FOXN3: variants seen among roughly 807,000 people sequenced by gnomAD.
FOXN3 encodes forkhead box protein N3.
In FOXN3, 7 loss-of-function variants were observed where a neutral mutation model predicts 38.4. The observed-to-expected ratio is 0.18, with a 90% CI of 0.10 to 0.34. FOXN3 has a LOEUF of 0.34. FOXN3 is among the 10% of genes least tolerant of loss of function. The pLI, the probability that FOXN3 is intolerant of heterozygous loss-of-function variation, is 1.00. For missense variants in FOXN3, 456 were observed against 613.4 expected, an observed-to-expected ratio of 0.74 and a Z score of 2.71; for synonymous variants, 230 against 242.2, an observed-to-expected ratio of 0.95 and a Z score of 0.47.
Position 89,392,892 on chromosome 14 carries a change from C to T in FOXN3, c.543+19042G>A, listed in dbSNP as rs72703612. Among the ~76,000 whole-genome samples the T allele has an allele frequency of 5.7e-3, 861 of 151,740 alleles. 4 individuals are homozygous for T. The highest frequency in any genetic ancestry group is 0.014 in the Middle Eastern group (4 of 294). ...CATGATATCAGTTCAGTGCAACCTC[C>T]GCCCCCAAGGTTCAAGAGATTCTTC... On this transcript the variant is annotated intron_variant, in intron 2 of 5. Coordinates refer to ENST00000557258, the MANE Select transcript of FOXN3 (RefSeq NM_005197.4).
At position 89,548,367 on chromosome 14, in the gene FOXN3, A is replaced by G. The variant is rs1894926445; in HGVS notation, c.-15+70661T>C. ...GGCTAGGCTACATATACGGTTATAAAGATGTGCACATATCACAGCATTACT... is the reference window on the plus strand; with the variant it reads ...GGCTAGGCTACATATACGGTTATAAGGATGTGCACATATCACAGCATTACT... On this transcript the variant is annotated intron_variant, in intron 1 of 6. Transcript: ENST00000345097. The surrounding 1 kb of genome is among the most constrained non-coding windows in gnomAD (Gnocchi z 4.8). Among the ~76,000 whole-genome samples, 1 of 152,222 alleles carries G rather than the reference A, an allele frequency of 6.6e-6. No homozygotes were observed. The highest frequency in any genetic ancestry group is 2.4e-5 in the African/African-American group (1 of 41,446).
chr14:89,344,282 AC>A (rs1888704493), intron 3 of FOXN3, among the ~76,000 whole-genome samples: 1 of 147,180 alleles, frequency 6.8e-6, no homozygotes, highest in African/African-American at 2.6e-5. Flanking sequence ...AAAAAAAAAA[AC>A]CATCTCACTC....
intron 1 of FOXN3, among the ~76,000 whole-genome samples, chr14:89,463,908 C>A (rs1270473082): frequency 6.6e-6 from 1 of 150,936 alleles, no homozygotes; most frequent in African/African-American, 2.5e-5. Context: ...CCTTAGCCTC[C>A]CAGGTAGCTG....
intron 1 of FOXN3, among the ~76,000 whole-genome samples, chr14:89,611,603 G>C (rs1028795261): frequency 6.6e-6 from 1 of 152,058 alleles, no homozygotes; most frequent in South Asian, 2.1e-4. Flanking sequence ...TCAGGAGATC[G>C]AGACCATCCT....
At chr14:89,348,752 C>T (rs544949991) in intron 3 of FOXN3, among the ~76,000 whole-genome samples, 208 of 151,016 alleles carry the variant, frequency 1.4e-3, no homozygotes, top group African/African-American at 4.8e-3. Context: ...ATTACAAAAG[C>T]TCTGGTTCAT....
intron 5 of FOXN3, among the ~76,000 whole-genome samples, chr14:89,170,186 G>C (rs1444276922): frequency 6.6e-6 from 1 of 152,082 alleles, no homozygotes; most frequent in Non-Finnish European, 1.5e-5. Flanking sequence ...AACATTCACA[G>C]TTTCATTAAA....
intron 3 of FOXN3, among the ~76,000 whole-genome samples, chr14:89,314,779 A>G (rs1887672088): frequency 6.6e-6 from 1 of 152,174 alleles, no homozygotes; most frequent in Non-Finnish European, 1.5e-5. Flanking sequence ...GCACAAACAT[A>G]CAGACACAGT....
chr14:89,450,614 C>A (rs1346983759), intron 1 of FOXN3, among the ~76,000 whole-genome samples: 1 of 149,280 alleles, frequency 6.7e-6, no homozygotes, highest in African/African-American at 2.5e-5. Flanking sequence ...TAGACAGAGT[C>A]TCGCCCTGTC....
intron 1 of FOXN3, among the ~76,000 whole-genome samples, chr14:89,527,179 AT>A (rs1894450982): frequency 6.6e-6 from 1 of 152,232 alleles, no homozygotes; most frequent in Non-Finnish European, 1.5e-5. Flanking sequence ...TTTGAAATCC[AT>A]ATGCAAAGAA....
chr14:89,368,977 C>T (rs1239059002), intron 2 of FOXN3, among the ~76,000 whole-genome samples: 1 of 152,158 alleles, frequency 6.6e-6, no homozygotes, highest in Non-Finnish European at 1.5e-5. Flanking sequence ...TTACACAGTG[C>T]GTTTCATCTG....
intron 1 of FOXN3, among the ~76,000 whole-genome samples, chr14:89,464,831 G>A (rs1449919601): frequency 1.3e-5 from 2 of 152,064 alleles, no homozygotes; most frequent in Non-Finnish European, 2.9e-5. Flanking sequence ...TCGAATAGCT[G>A]GGATTACAGC....
rs1027230814 is a variant in FOXN3, at chr14:89,546,487, G to C, written c.-15+72541C>G. Among the ~76,000 whole-genome samples, 72 of 149,480 alleles carry C rather than the reference G, an allele frequency of 4.8e-4. 1 individual carries two copies. Among genetic ancestry groups the C allele is most frequent in the Admixed American group, 4.7e-3 (71 of 15,016 alleles). ...TGGGACTACAGGCGCCTGCCACCAC[G>C]CCCGGCTAATTTTTTGTATTTTTAG... On this transcript the variant is annotated intron_variant, in intron 1 of 6. Transcript: ENST00000345097.
chr14:89,162,652 C>T lies in FOXN3; in HGVS notation c.1169G>A (p.Ser390Asn). ...CTTCTTGTGCTGGGATGCGTACCCG[C>T]TGTCCCCCAGAGAATCCTTGGGCTC... ...QKEPKDSLGD[S>N]GYASQHKKRQ... is the part of the protein sequence containing the mutation. The change falls in exon 6 of 6, where the codon AGC becomes AAC. Residue 390 changes from serine (S) to asparagine (N), a missense_variant. Physicochemically the swap from Ser to Asn is conservative, Grantham distance 46. Coordinates refer to ENST00000557258, the MANE Select transcript of FOXN3 (RefSeq NM_005197.4). The surrounding 1 kb of genome is among the most constrained non-coding windows in gnomAD (Gnocchi z 7.2). 6.2e-7 allele frequency: 1 copy of T among 1,613,982 alleles called. No individual in the cohort carries two copies. Among genetic ancestry groups the T allele is most frequent in the Non-Finnish European group, 8.5e-7 (1 of 1,179,956 alleles).
chr14:89,366,033 C>T (rs1338838392), intron 2 of FOXN3, among the ~76,000 whole-genome samples: 2 of 152,182 alleles, frequency 1.3e-5, no homozygotes, highest in East Asian at 1.9e-4. Context: ...GGGTGGATCA[C>T]GAGGTCAGGA....
chr14:89,287,882 T>A (rs1179827060), intron 3 of FOXN3, among the ~76,000 whole-genome samples: 1 of 151,538 alleles, frequency 6.6e-6, no homozygotes, highest in South Asian at 2.1e-4. Flanking sequence ...AAATAAAACA[T>A]TTTTTTATTC....
intron 1 of FOXN3, among the ~76,000 whole-genome samples, chr14:89,508,183 C>G (rs151149613): frequency 6.6e-6 from 1 of 152,290 alleles, no homozygotes; most frequent in Non-Finnish European, 1.5e-5. Flanking sequence ...CCTTCCGCAT[C>G]TGGAACCACT....
chr14:89,410,841 C>G (rs147212628), intron 2 of FOXN3, among the ~76,000 whole-genome samples: 217 of 151,530 alleles, frequency 1.4e-3, no homozygotes, highest in African/African-American at 5.1e-3. Flanking sequence ...CCATTGCACT[C>G]CAGCCTGGGT....
rs528096977 is a variant in FOXN3, at chr14:89,379,628, ATTTTG to A, written c.544-28825_544-28821del. On this transcript the variant is annotated intron_variant, in intron 2 of 5. Coordinates refer to ENST00000557258, the MANE Select transcript of FOXN3 (RefSeq NM_005197.4). The stretch of plus-strand genomic sequence containing the variant: ...ATATAAGCTCAATTCATTTTATTTT[ATTTTG>A]TTTTGTTTTATTTTTATTTTTCATT... Among the ~76,000 whole-genome samples the A allele has an allele frequency of 2.0e-3, 309 of 152,134 alleles. 1 individual carries two copies. Among genetic ancestry groups the A allele is most frequent in the African/African-American group, 6.6e-3 (275 of 41,500 alleles).
intron 1 of FOXN3, among the ~76,000 whole-genome samples, chr14:89,429,648 G>A (rs575169288): frequency 6.6e-6 from 1 of 152,182 alleles, no homozygotes; most frequent in Non-Finnish European, 1.5e-5. Flanking sequence ...AGGATTCAAC[G>A]AAATACAAAA....
Sources: gnomAD v4.1 joint callset for allele counts (sites outside exome capture counted in the v4.1 genomes callset) on GRCh38, gnomAD v4.1.1 for gene constraint, Gnocchi (gnomAD v3.1) non-coding constraint, MANE v1.5 for transcripts, NCBI Gene and HGNC (gene_info 2026-07-23, HGNC 2026-07-21) for gene names.